CACNA1B: variants seen among roughly 807,000 people sequenced by gnomAD.
CACNA1B encodes the protein calcium voltage-gated channel subunit alpha1 B.
Under a neutral mutation model 247.2 loss-of-function variants are expected in CACNA1B, and 70 were observed. That is an observed-to-expected ratio of 0.28 (90% CI 0.23 to 0.35). The LOEUF (loss-of-function observed/expected upper bound fraction) is 0.35, where lower values mean the gene tolerates loss of function less well. CACNA1B is among the 10% of genes least tolerant of loss of function. CACNA1B has a pLI of 1.00. For missense variants in CACNA1B, 2,367 were observed against 3,197.4 expected (o/e 0.74, Z 6.26); for synonymous variants, 1,231 against 1,294.4 (o/e 0.95, Z 1.05).
At chr9:138,004,471 G>T (rs1436525056) in intron 15 of CACNA1B, among the ~76,000 whole-genome samples, 1 of 150,456 alleles carries the variant, frequency 6.6e-6, no homozygotes, top group African/African-American at 2.5e-5. Context: ...GATTGATTGG[G>T]CCCAGAAAGC....
At chr9:138,075,020 TA>T (rs1299883551) in intron 34 of CACNA1B, among the ~76,000 whole-genome samples, 1 of 152,166 alleles carries the variant, frequency 6.6e-6, no homozygotes, top group Non-Finnish European at 1.5e-5. Flanking sequence ...AAAAAGCATT[TA>T]AAAAAACATA....
intron 25 of CACNA1B, 151 bp from the exon 26 acceptor site, chr9:138,053,695 A>C (rs1272658902): frequency 8.6e-4 from 132 of 153,660 alleles, no homozygotes; most frequent in South Asian, 3.1e-3. Flanking sequence ...TCATGGCCCC[A>C]CCCATTCCCT....
At chr9:138,069,789 C>T (rs1447376504) in intron 32 of CACNA1B, 26 bp downstream of exon 32, 1 of 1,601,010 alleles carries the variant, frequency 6.2e-7, no homozygotes, top group Non-Finnish European at 8.6e-7. Context: ...CTGAACGGTT[C>T]TTGCAAGTCC....
chr9:137,955,249 G>T lies in CACNA1B; in HGVS notation c.1071-449G>T, dbSNP rs568878836. Among the ~76,000 whole-genome samples the T allele has an allele frequency of 1.6e-3, 237 of 152,318 alleles. 1 individual carries two copies. Among genetic ancestry groups the T allele is most frequent in the African/African-American group, 4.9e-3 (204 of 41,572 alleles). Reference sequence around the variant, plus strand: ...CAGAGGCTTTGCATCTGAACCAACAGAGGAAGCAAAGTGAACGTTCTCCTC... The same window carrying T: ...CAGAGGCTTTGCATCTGAACCAACATAGGAAGCAAAGTGAACGTTCTCCTC... On this transcript the variant is annotated intron_variant, in intron 7 of 46. Transcript: ENST00000371372. The surrounding 1 kb of genome is among the most constrained non-coding windows in gnomAD (Gnocchi z 6.9).
In CACNA1B at chr9:138,058,255, G is replaced by C; in HGVS notation, c.4308+5G>C. On this transcript the variant is annotated splice_donor_5th_base_variant and intron_variant, in intron 28 of 46. Coordinates refer to ENST00000371372, the MANE Select transcript of CACNA1B (RefSeq NM_000718.4). The surrounding 1 kb of genome is among the most constrained non-coding windows in gnomAD (Gnocchi z 4.7). ...TGCAGCCTGGAGAAGAACGAGGTAG[G>C]TGGACGCTCTGTGGAGTCTTGCAGT... The C allele has an allele frequency of 6.2e-7, 1 of 1,610,666 alleles. No individual in the cohort carries two copies. The highest frequency in any genetic ancestry group is 8.5e-7 in the Non-Finnish European group (1 of 1,176,966).
At chr9:137,886,247 C>A (rs1179577046) in intron 3 of CACNA1B, among the ~76,000 whole-genome samples, 1 of 151,374 alleles carries the variant, frequency 6.6e-6, no homozygotes, top group East Asian at 2.0e-4. Context: ...GACAGGGGTC[C>A]GGTTGTGTCT....
chr9:137,988,855 C>G (rs1958398529), intron 15 of CACNA1B, among the ~76,000 whole-genome samples: 1 of 152,160 alleles, frequency 6.6e-6, no homozygotes, highest in South Asian at 2.1e-4. Context: ...AGGAAGGCTG[C>G]AGGGCAGGGC....
chr9:138,064,705 C>A (rs1283125853), intron 31 of CACNA1B, among the ~76,000 whole-genome samples: 1 of 152,200 alleles, frequency 6.6e-6, no homozygotes, highest in Non-Finnish European at 1.5e-5. Context: ...CCTCGCTGCC[C>A]ACTGTGGTGG....
intron 10 of CACNA1B, among the ~76,000 whole-genome samples, chr9:137,966,653 C>T (rs557414176): frequency 6.6e-6 from 1 of 152,164 alleles, no homozygotes. Context: ...ATTCTCCTGC[C>T]TCAGCCTCCC....
chr9:138,030,134 C>T, intron 20 of CACNA1B, among the ~76,000 whole-genome samples: 1 of 152,222 alleles, frequency 6.6e-6, no homozygotes, highest in Admixed American at 6.5e-5. Context: ...GTGGCAAGAA[C>T]TGACATCTTT....
rs1170859080 is a variant in CACNA1B at position 137,882,068 on chromosome 9, C to T, written c.391-676C>T. Among the ~76,000 whole-genome samples, 2 of 152,170 alleles carry T rather than the reference C, an allele frequency of 1.3e-5. No homozygotes were observed. Among genetic ancestry groups the T allele is most frequent in the Non-Finnish European group, 2.9e-5 (2 of 68,036 alleles). On this transcript the variant is annotated intron_variant, in intron 2 of 46. Coordinates refer to ENST00000371372, the MANE Select transcript of CACNA1B (RefSeq NM_000718.4). The surrounding 1 kb of genome is among the most constrained non-coding windows in gnomAD (Gnocchi z 4.0). ...CAGATGTGGCGGTCGTCGCTCAGCA[C>T]ACTCAGGGCTGAGGTTGTGCTTCTC...
intron 18 of CACNA1B, 87 bp downstream of exon 18, chr9:138,013,322 G>A (rs1958749589): frequency 1.0e-6 from 1 of 984,650 alleles, no homozygotes; most frequent in African/African-American, 1.7e-5. Context: ...ACCCCTTCCA[G>A]AGGCTTCCTC....
Position 138,121,300 on chromosome 9 carries a change from C to T in CACNA1B, c.6490-169C>T, listed in dbSNP as rs1332687180. On this transcript the variant is annotated intron_variant, in intron 46 of 46. Coordinates refer to ENST00000371372, the MANE Select transcript of CACNA1B (RefSeq NM_000718.4). This position sits in a 1 kb window ranked among gnomAD's most constrained non-coding sequence, Gnocchi z 6.8. Reference sequence around the variant, plus strand: ...CCTGACCCTGACCATCGCCCTCCCCCGCACACAGGTGCCTGTTGCCTCCCT... The same window carrying T: ...CCTGACCCTGACCATCGCCCTCCCCTGCACACAGGTGCCTGTTGCCTCCCT... Among the ~76,000 whole-genome samples, 3 of 152,186 alleles carry T rather than the reference C, an allele frequency of 2.0e-5. No individual in the cohort carries two copies. The highest frequency in any genetic ancestry group is 2.9e-5 in the Non-Finnish European group (2 of 68,036).
intron 15 of CACNA1B, among the ~76,000 whole-genome samples, chr9:137,991,202 T>C (rs1034707985): frequency 9.2e-5 from 14 of 152,148 alleles, no homozygotes; most frequent in African/African-American, 3.4e-4. Flanking sequence ...ATACAGGTTA[T>C]GAAAGGAAAA....
intron 3 of CACNA1B, among the ~76,000 whole-genome samples, chr9:137,900,623 A>G (rs551032141): frequency 5.5e-5 from 6 of 108,618 alleles, no homozygotes; most frequent in South Asian, 3.0e-4. Context: ...GTGTCTGTGT[A>G]TGTGTGTCTC....
chr9:138,025,999 C>A (rs367988851), intron 20 of CACNA1B, among the ~76,000 whole-genome samples: 1 of 152,202 alleles, frequency 6.6e-6, no homozygotes, highest in Non-Finnish European at 1.5e-5. Flanking sequence ...CAATCAGGTG[C>A]CACCACATGC....
chr9:138,096,000 C>T lies in CACNA1B; in HGVS notation c.5095-484C>T, dbSNP rs74693494. ...ATGTGTATGAGGTATTCTTCGGGAA[C>T]GACGAAAAAAGTTTTGAAACGAGAG... is the stretch of plus-strand genomic sequence containing the variant. On this transcript the variant is annotated intron_variant, in intron 36 of 46. Coordinates refer to ENST00000371372, the MANE Select transcript of CACNA1B (RefSeq NM_000718.4). Among the ~76,000 whole-genome samples, 5 of 152,072 alleles carry T rather than the reference C, an allele frequency of 3.3e-5. No homozygotes were observed. In the East Asian group the frequency reaches 9.7e-4, roughly 29 times the overall value.
intron 3 of CACNA1B, among the ~76,000 whole-genome samples, chr9:137,889,290 C>T (rs1406934860): frequency 2.7e-5 from 4 of 150,202 alleles, no homozygotes; most frequent in African/African-American, 9.7e-5. Flanking sequence ...AGGTGCAGCA[C>T]CCCGACCTCC....
At chr9:137,920,853 A>C (rs1957469277) in intron 6 of CACNA1B, among the ~76,000 whole-genome samples, 1 of 152,220 alleles carries the variant, frequency 6.6e-6, no homozygotes, top group African/African-American at 2.4e-5. Context: ...AGGCACTGAG[A>C]AAGGTGATGC....
Sources: allele counts gnomAD v4.1 joint callset (sites outside exome capture counted in the v4.1 genomes callset), GRCh38; gene constraint gnomAD v4.1.1; non-coding constraint Gnocchi (gnomAD v3.1); transcripts MANE v1.5; gene names NCBI Gene and HGNC (gene_info 2026-07-23, HGNC 2026-07-21).